The following XRCC6 variants were observed in gnomAD, a reference collection of about 807,000 sequenced individuals.
XRCC6 encodes the protein X-ray repair cross complementing 6.
Under a neutral mutation model 65.7 loss-of-function variants are expected in XRCC6, and 5 were observed. The observed-to-expected ratio is 0.08, with a 90% confidence interval of 0.04 to 0.16. The LOEUF is 0.16. Ranked by LOEUF, XRCC6 falls within the 10% of genes least tolerant of loss-of-function variation. The probability of loss-of-function intolerance (pLI) is 1.00; values close to 1 mark genes in which losing one functional copy is unlikely to be tolerated. For missense variants in XRCC6, 447 were observed against 738.1 expected (o/e 0.61, Z 4.57); for synonymous variants, 270 against 270.6 (o/e 1.00, Z 0.02).
chr22:41,621,673 C>A, intron 1 of XRCC6: 1 of 293,732 alleles, frequency 3.4e-6, no homozygotes, highest in South Asian at 4.3e-5. Flanking sequence ...CGAGGGGGTC[C>A]GTTAGTCAGC....
chr22:41,636,655 A>C lies in XRCC6; in HGVS notation c.474A>C (p.Gln158His), dbSNP rs762766085. The change falls in exon 5 of 13, where the codon CAA (glutamine) becomes CAC (histidine). Residue 158 changes from glutamine to histidine, a missense_variant. Physicochemically the swap from Gln to His is conservative, Grantham distance 24. This residue lies in a region of XRCC6 where 228 missense variants were observed against 307.4 expected (regional missense o/e 0.74). Coordinates refer to ENST00000360079, the MANE Select transcript of XRCC6 (RefSeq NM_001469.5). Reference protein sequence around the residue: ...WVCANLFSDVQFKMSHKRIML... With the variant: ...WVCANLFSDVHFKMSHKRIML... ...GTGCCAACCTCTTTAGTGATGTCCAATTCAAGATGAGTCATAAGAGGATCA... is the reference window on the plus strand; with the variant it reads ...GTGCCAACCTCTTTAGTGATGTCCACTTCAAGATGAGTCATAAGAGGATCA... The C allele has an allele frequency of 1.9e-6, 3 of 1,613,968 alleles. No individual in the cohort carries two copies. The African/African-American group carries it at 4.0e-5, about 22-fold the overall frequency.
intron 3 of XRCC6, among the ~76,000 whole-genome samples, chr22:41,633,437 C>G (rs2067777300): frequency 6.6e-6 from 1 of 151,550 alleles, no homozygotes. Flanking sequence ...CTTTGCTGCC[C>G]TGGCTCTTGG....
chr22:41,636,084 GTAAA>G (rs757629652), intron 3 of XRCC6, 25 bp from the exon 4 acceptor site: 1 of 1,555,450 alleles, frequency 6.4e-7, no homozygotes, highest in Admixed American at 2.2e-5. Flanking sequence ...TTAGTGGTAA[GTAAA>G]TATTAATTGA....
rs759844857 is a variant in XRCC6 at position 41,657,019 on chromosome 22, C to T, written c.1408C>T (p.Arg470Cys). The T allele has an allele frequency of 5.0e-6, 8 of 1,590,766 alleles. No individual in the cohort carries two copies. The highest frequency in any genetic ancestry group is 1.9e-5 in the Admixed American group (1 of 53,242). The change falls in exon 10 of 13, where the codon CGC becomes TGC. Residue 470 changes from arginine to cysteine, a missense_variant. Physicochemically the swap from Arg to Cys is radical, Grantham distance 180 (BLOSUM62 -3). Coordinates refer to ENST00000360079, the MANE Select transcript of XRCC6 (RefSeq NM_001469.5). ...GATGAAGGCTATCGTTGAGAAGCTT[C>T]GCTTCACATACAGGTGAGTCAATCT... ...GKMKAIVEKL[R>C]FTYRSDSFEN...
chr22:41,650,804 A>G lies in XRCC6; in HGVS notation c.1042A>G (p.Met348Val), dbSNP rs777997397. The G allele has an allele frequency of 2.5e-6, 4 of 1,613,950 alleles. No homozygotes were observed. The highest frequency in any genetic ancestry group is 2.5e-6 in the Non-Finnish European group (3 of 1,179,866). The change falls in exon 8 of 13, where the codon ATG becomes GTG. Residue 348 changes from methionine (M) to valine (V), a missense_variant. By Grantham distance (21) the Met-to-Val change is conservative. Transcript: ENST00000360079. ...GTTTGATGATCCAGGTTTGATGCTC[A>G]TGGGTTTCAAGCCGTTGGTACTGCT... is the stretch of plus-strand genomic sequence containing the variant. Reference protein sequence around the residue: ...KRFDDPGLMLMGFKPLVLLKK... With the variant: ...KRFDDPGLMLVGFKPLVLLKK...
chr22:41,623,974 C>T (rs974973151), intron 2 of XRCC6, among the ~76,000 whole-genome samples: 1 of 152,128 alleles, frequency 6.6e-6, no homozygotes, highest in Non-Finnish European at 1.5e-5. Context: ...TCACCCACCT[C>T]GGCCTCCCAA....
intron 6 of XRCC6, among the ~76,000 whole-genome samples, chr22:41,646,677 C>T (rs56065522): frequency 2.6e-5 from 4 of 152,086 alleles, no homozygotes; most frequent in Admixed American, 1.3e-4. Flanking sequence ...ACCTGTAGTA[C>T]GTTCTTTATC....
At chr22:41,660,530 C>T (rs562922259) in intron 11 of XRCC6, among the ~76,000 whole-genome samples, 1 of 152,282 alleles carries the variant, frequency 6.6e-6, no homozygotes, top group Middle Eastern at 3.4e-3. Context: ...TCAGGGGATT[C>T]TTTGGATAAG....
At chr22:41,628,849 C>T (rs2067707489) in intron 3 of XRCC6, among the ~76,000 whole-genome samples, 1 of 151,290 alleles carries the variant, frequency 6.6e-6, no homozygotes, top group African/African-American at 2.4e-5. Context: ...TTCTGTAGTC[C>T]CAGGTACTCG....
chr22:41,645,627 G>T (rs1293837997), intron 6 of XRCC6, among the ~76,000 whole-genome samples: 2 of 151,312 alleles, frequency 1.3e-5, no homozygotes, highest in Non-Finnish European at 2.9e-5. Context: ...AATTCCCAAA[G>T]AAAAATTGGG....
intron 2 of XRCC6, among the ~76,000 whole-genome samples, chr22:41,626,560 T>G (rs1000551701): frequency 6.6e-6 from 1 of 152,098 alleles, no homozygotes; most frequent in African/African-American, 2.4e-5. Flanking sequence ...GTTCAAGTGA[T>G]TCTCCTGCCT....
intron 3 of XRCC6, among the ~76,000 whole-genome samples, chr22:41,632,536 G>C (rs2067766561): frequency 1.3e-5 from 2 of 152,056 alleles, no homozygotes; most frequent in African/African-American, 4.8e-5. Context: ...GCTTGAACTG[G>C]GGAGGTGGAC....
At chr22:41,643,800 G>A (rs1413696589) in intron 6 of XRCC6, among the ~76,000 whole-genome samples, 2 of 149,472 alleles carry the variant, frequency 1.3e-5, no homozygotes, top group African/African-American at 5.0e-5. Context: ...CACCCTAGGC[G>A]ACAGAGTGAG....
At chr22:41,649,734 A>G (rs1384114034) in intron 7 of XRCC6, among the ~76,000 whole-genome samples, 1 of 151,948 alleles carries the variant, frequency 6.6e-6, no homozygotes, top group African/African-American at 2.4e-5. Flanking sequence ...GGGCACCTAT[A>G]GTCCCAGCTA....
In XRCC6 at chr22:41,646,978, A is replaced by G; in HGVS notation, c.856A>G (p.Ile286Val). Reference protein sequence around the residue: ...LVQKALKPPPIKLYRETNEPV... With the variant: ...LVQKALKPPPVKLYRETNEPV... The stretch of plus-strand genomic sequence containing the variant: ...CCAGAAGGCTCTCAAGCCTCCTCCA[A>G]TAAAGCTCTATCGGGAAACAAATGA... The change falls in exon 7 of 13, where the codon ATA becomes GTA. Residue 286 changes from isoleucine to valine, a missense_variant. Ile to Val is a conservative substitution (Grantham distance 29). Coordinates refer to ENST00000360079, the MANE Select transcript of XRCC6 (RefSeq NM_001469.5). 1 of 1,614,196 alleles carries G rather than the reference A, an allele frequency of 6.2e-7. No individual in the cohort carries two copies. The highest frequency in any genetic ancestry group is 8.5e-7 in the Non-Finnish European group (1 of 1,180,040).
Position 41,659,449 on chromosome 22 carries a change from G to A in XRCC6, c.1522+1097G>A, listed in dbSNP as rs528635081. On this transcript the variant is annotated intron_variant, in intron 11 of 12. Coordinates refer to ENST00000360079, the MANE Select transcript of XRCC6 (RefSeq NM_001469.5). Reference sequence around the variant, plus strand: ...TCTCGATCTCCTGACCTTGTGATCCGCCCGCCTTGGCCTCCCAAAGTGCTG... The same window carrying A: ...TCTCGATCTCCTGACCTTGTGATCCACCCGCCTTGGCCTCCCAAAGTGCTG... Among the ~76,000 whole-genome samples the A allele has an allele frequency of 5.9e-5, 9 of 151,870 alleles. No homozygotes were observed. The South Asian group carries it at 6.2e-4, about 11-fold the overall frequency.
Position 41,636,694 on chromosome 22 carries a change from T to C in XRCC6, c.513T>C (p.Asn171=). 1 of 1,614,070 alleles carries C rather than the reference T, an allele frequency of 6.2e-7. No homozygotes were observed. The highest frequency in any genetic ancestry group is 1.1e-5 in the South Asian group (1 of 91,078). The stretch of plus-strand genomic sequence containing the variant: ...ATAAGAGGATCATGCTGTTCACCAA[T>C]GAAGACAACCCCCATGGCAATGACA... ...MSHKRIMLFT[N]EDNPHGNDSA... is the part of the protein sequence containing the mutation. The change falls in exon 5 of 13, where the codon AAT becomes AAC. Residue 171 remains asparagine (N), a synonymous_variant. Coordinates refer to ENST00000360079, the MANE Select transcript of XRCC6 (RefSeq NM_001469.5).
intron 3 of XRCC6, among the ~76,000 whole-genome samples, chr22:41,635,436 C>T (rs2067799185): frequency 6.6e-6 from 1 of 152,240 alleles, no homozygotes; most frequent in African/African-American, 2.4e-5. Context: ...TGTCCAAATT[C>T]AGCCAGTTAA....
Position 41,650,215 on chromosome 22 carries a change from CA to C in XRCC6, c.961-507del, listed in dbSNP as rs369722987. On this transcript the variant is annotated intron_variant, in intron 7 of 12. Coordinates refer to ENST00000360079, the MANE Select transcript of XRCC6 (RefSeq NM_001469.5). ...GAACTCCTGGGCTCAAGCGATCCTCCAGTCTCAGCCTCCCAAGTAGCTGGGA... is the reference window on the plus strand; with the variant it reads ...GAACTCCTGGGCTCAAGCGATCCTCCGTCTCAGCCTCCCAAGTAGCTGGGA... Among the ~76,000 whole-genome samples, 186 of 152,006 alleles carry C rather than the reference CA, an allele frequency of 1.2e-3. 1 individual carries two copies. The highest frequency in any genetic ancestry group is 4.2e-3 in the African/African-American group (176 of 41,452).
Sources: gnomAD v4.1 joint callset for allele counts (sites outside exome capture counted in the v4.1 genomes callset) on GRCh38, gnomAD v4.1.1 for gene constraint, gnomAD v4.1.1 regional missense constraint, MANE v1.5 for transcripts, NCBI Gene and HGNC (gene_info 2026-07-23, HGNC 2026-07-21) for gene names.